CFAP77: variants seen among roughly 807,000 people sequenced by gnomAD.
CFAP77 encodes the protein cilia and flagella associated protein 77.
CFAP77 carries 25 observed loss-of-function variants against 31.1 expected under a neutral mutation model. The observed-to-expected ratio is 0.80, with a 90% CI of 0.59 to 1.12. The LOEUF is 1.12. Ranked by LOEUF, CFAP77 falls within the 50% of genes most tolerant of loss-of-function variation. The probability of loss-of-function intolerance (pLI) is 0.00; values close to 1 mark genes in which losing one functional copy is unlikely to be tolerated. For missense variants in CFAP77, 377 were observed against 397.3 expected (o/e 0.95, Z 0.44); for synonymous variants, 151 against 159.9 (o/e 0.94, Z 0.42).
At chr9:132,447,160 G>C (rs1850738456) in intron 1 of CFAP77, among the ~76,000 whole-genome samples, 1 of 152,170 alleles carries the variant, frequency 6.6e-6, no homozygotes, top group South Asian at 2.1e-4. Context: ...ACCCCAGTCT[G>C]ACTCTCTCCA....
chr9:132,544,587 C>T (rs1221809654), intron 5 of CFAP77, among the ~76,000 whole-genome samples: 1 of 151,662 alleles, frequency 6.6e-6, no homozygotes, highest in Non-Finnish European at 1.5e-5. Context: ...CTCAACTTCC[C>T]AGGCTCAGGT....
intron 1 of CFAP77, among the ~76,000 whole-genome samples, chr9:132,437,400 C>T (rs951371120): frequency 1.3e-5 from 2 of 151,568 alleles, no homozygotes; most frequent in Non-Finnish European, 2.9e-5. Context: ...CAGGACGTGG[C>T]AAGAGGCAAG....
At chr9:132,561,644 C>G (rs1829809503) in intron 5 of CFAP77, among the ~76,000 whole-genome samples, 2 of 108,822 alleles carry the variant, frequency 1.8e-5, no homozygotes, top group South Asian at 2.7e-4. Context: ...CACACACACA[C>G]ACACACACAC....
At chr9:132,540,226 G>A (rs1349606935) in intron 4 of CFAP77, among the ~76,000 whole-genome samples, 1 of 152,132 alleles carries the variant, frequency 6.6e-6, no homozygotes, top group Admixed American at 6.6e-5. Flanking sequence ...CACTGTGCCA[G>A]GCTTAGAGCT....
At chr9:132,482,558 C>G in intron 1 of CFAP77, 2 of 676,928 alleles carry the variant, frequency 3.0e-6, no homozygotes, top group South Asian at 3.3e-5. Flanking sequence ...GTTGTCATTA[C>G]GCCATGGGGT....
chr9:132,570,978 C>T (rs1003402043), intron 5 of CFAP77, among the ~76,000 whole-genome samples: 4 of 152,036 alleles, frequency 2.6e-5, no homozygotes, highest in Admixed American at 6.5e-5. Flanking sequence ...CACGTGGCCC[C>T]GAGCACAGAG....
chr9:132,561,209 T>C (rs1432070300), intron 5 of CFAP77, among the ~76,000 whole-genome samples: 1 of 152,112 alleles, frequency 6.6e-6, no homozygotes, highest in Non-Finnish European at 1.5e-5. Context: ...TTCAAGTGCC[T>C]CTCATTAGAG....
At chr9:132,488,145 G>A (rs1159436641) in intron 1 of CFAP77, among the ~76,000 whole-genome samples, 2 of 152,210 alleles carry the variant, frequency 1.3e-5, no homozygotes, top group Non-Finnish European at 2.9e-5. Flanking sequence ...CAGGGCTGGA[G>A]GGTTAATGAG....
chr9:132,556,642 C>G (rs539099109), intron 5 of CFAP77, among the ~76,000 whole-genome samples: 2 of 152,182 alleles, frequency 1.3e-5, no homozygotes, highest in African/African-American at 4.8e-5. Flanking sequence ...GCCGGGCTGA[C>G]GAGCCCCTCA....
At chr9:132,418,077 C>T (rs1051338438) in intron 1 of CFAP77, among the ~76,000 whole-genome samples, 2 of 152,342 alleles carry the variant, frequency 1.3e-5, no homozygotes, top group Admixed American at 6.5e-5. Context: ...GGTACTAAGA[C>T]CTACCCTACC....
rs533266462 is a variant in CFAP77, at chr9:132,441,523, G to A, written c.195+31057G>A. On this transcript the variant is annotated intron_variant, in intron 1 of 5. Coordinates refer to ENST00000393216, the MANE Select transcript of CFAP77 (RefSeq NM_001282957.2). ...TTTGAGGGCCACAGACACCCTCCCC[G>A]CTCCCCGCCAACCACACATAAGAAA... is the stretch of plus-strand genomic sequence containing the variant. 5.9e-5 allele frequency among the ~76,000 whole-genome samples: 9 copies of A among 152,256 alleles called. No individual in the cohort carries two copies. In the East Asian group the frequency reaches 1.2e-3, roughly 20 times the overall value.
rs1163911540 is a variant in CFAP77, at chr9:132,539,153, C to T, written c.630+1447C>T. Among the ~76,000 whole-genome samples the T allele has an allele frequency of 6.6e-6, 1 of 152,108 alleles. No homozygotes were observed. Among genetic ancestry groups the T allele is most frequent in the Non-Finnish European group, 1.5e-5 (1 of 68,006 alleles). ...ACTTCCTTTAAAATATTCTGAAACT[C>T]GAGCTTTCAGAGAGATCAGATTGGC... On this transcript the variant is annotated intron_variant, in intron 4 of 5. Transcript: ENST00000393216. This position sits in a 1 kb window ranked among gnomAD's most constrained non-coding sequence, Gnocchi z 4.3.
chr9:132,523,273 G>A (rs1264515686), intron 3 of CFAP77, among the ~76,000 whole-genome samples: 1 of 152,032 alleles, frequency 6.6e-6, no homozygotes, highest in African/African-American at 2.4e-5. Flanking sequence ...TTTTTTAGTA[G>A]AGACAGGGTT....
chr9:132,566,911 G>T (rs187862224), intron 5 of CFAP77, among the ~76,000 whole-genome samples: 1 of 152,318 alleles, frequency 6.6e-6, no homozygotes, highest in African/African-American at 2.4e-5. Flanking sequence ...CAGACAGATT[G>T]TCTCGATTTC....
At chr9:132,463,913 G>A (rs1376894488) in intron 1 of CFAP77, among the ~76,000 whole-genome samples, 1 of 152,238 alleles carries the variant, frequency 6.6e-6, no homozygotes, top group African/African-American at 2.4e-5. Flanking sequence ...ATGCACAAGT[G>A]TGGGTGGATT....
At chr9:132,416,752 C>T (rs1850108870) in intron 1 of CFAP77, among the ~76,000 whole-genome samples, 1 of 151,898 alleles carries the variant, frequency 6.6e-6, no homozygotes, top group Non-Finnish European at 1.5e-5. Flanking sequence ...ATTCTCCTGC[C>T]TCAGCCACCC....
chr9:132,537,835 C>G, intron 4 of CFAP77, 129 bp downstream of exon 4: 2 of 675,712 alleles, frequency 3.0e-6, no homozygotes, highest in Non-Finnish European at 5.2e-6. Flanking sequence ...AATCAGGTTG[C>G]ATCTTCTGCC....
intron 3 of CFAP77, among the ~76,000 whole-genome samples, chr9:132,515,013 A>C (rs1269931478): frequency 6.6e-6 from 1 of 152,142 alleles, no homozygotes; most frequent in Non-Finnish European, 1.5e-5. Context: ...GGGGGCCAGC[A>C]AGTGGAGGGT....
At chr9:132,449,365 T>C (rs921739435) in intron 1 of CFAP77, among the ~76,000 whole-genome samples, 4 of 151,648 alleles carry the variant, frequency 2.6e-5, no homozygotes, top group Admixed American at 6.6e-5. Flanking sequence ...CAGCAACCAC[T>C]GATTGCTTTT....
Sources: gnomAD v4.1 joint callset for allele counts (sites outside exome capture counted in the v4.1 genomes callset) on GRCh38, gnomAD v4.1.1 for gene constraint, Gnocchi (gnomAD v3.1) non-coding constraint, MANE v1.5 for transcripts, NCBI Gene and HGNC (gene_info 2026-07-23, HGNC 2026-07-21) for gene names.